LHCGR: variants seen among roughly 807,000 people sequenced by gnomAD.
The protein encoded by LHCGR is lutropin-choriogonadotropic hormone receptor.
A neutral mutation model predicts 60.7 loss-of-function variants in LHCGR; 55 were observed. That is an observed-to-expected ratio of 0.91 (90% CI 0.73 to 1.13). The LOEUF (loss-of-function observed/expected upper bound fraction) is 1.13, where lower values mean the gene tolerates loss of function less well. Ranked by LOEUF, LHCGR falls within the 50% of genes most tolerant of loss-of-function variation. LHCGR has a pLI of 0.00. For synonymous variants in LHCGR, 337 were observed against 316.5 expected (o/e 1.06, Z -0.69); for missense variants, 862 against 836.0 (o/e 1.03, Z -0.38).
chr2:48,722,023 G>A (rs184497949), intron 6 of LHCGR, among the ~76,000 whole-genome samples: 8 of 152,248 alleles, frequency 5.3e-5, no homozygotes, highest in South Asian at 2.1e-4. Context: ...GGTGGCACAC[G>A]CCTGTAGTCC....
Position 48,688,033 on chromosome 2 carries a change from A to G in LHCGR, c.1764T>C (p.Phe588=), listed in dbSNP as rs1375933434. ...GTACTTTGAAGGCAGCTGAGATGGC[A>G]AAAAAAGAGATAGGTGCCATGCAGG... ...DFTCMAPISF[F]AISAAFKVPL... Residue 588 remains phenylalanine, a synonymous_variant, in exon 11 of 11, where the codon TTT becomes TTC. Coordinates refer to ENST00000294954, the MANE Select transcript of LHCGR (RefSeq NM_000233.4). The surrounding 1 kb of genome is among the most constrained non-coding windows in gnomAD (Gnocchi z 5.2). 6.2e-7 allele frequency: 1 copy of G among 1,613,940 alleles called. No individual in the cohort carries two copies. Among genetic ancestry groups the G allele is most frequent in the African/African-American group, 1.3e-5 (1 of 74,924 alleles).
intron 8 of LHCGR, among the ~76,000 whole-genome samples, chr2:48,707,762 A>G (rs1172513484): frequency 6.6e-6 from 1 of 152,208 alleles, no homozygotes; most frequent in East Asian, 1.9e-4. Context: ...AGACTGCTCT[A>G]CTAGCAGCAA....
intron 6 of LHCGR, chr2:48,720,733 G>A (rs554407019): frequency 1.3e-5 from 2 of 152,272 alleles, no homozygotes; most frequent in African/African-American, 4.8e-5. Flanking sequence ...ACCGCATAAC[G>A]GTTAAGAACA....
intron 10 of LHCGR, among the ~76,000 whole-genome samples, chr2:48,689,140 TAC>T (rs928347580): frequency 6.6e-6 from 1 of 151,002 alleles, no homozygotes; most frequent in African/African-American, 2.4e-5. Flanking sequence ...TATACATATG[TAC>T]ACACATATAC....
intron 1 of LHCGR, among the ~76,000 whole-genome samples, chr2:48,735,618 A>T (rs896783869): frequency 3.9e-5 from 6 of 152,176 alleles, no homozygotes; most frequent in African/African-American, 1.4e-4. Context: ...CTGACTTTCA[A>T]ACTGGGCCCC....
intron 6 of LHCGR, among the ~76,000 whole-genome samples, chr2:48,722,055 C>T (rs990292352): frequency 6.6e-6 from 1 of 152,174 alleles, no homozygotes; most frequent in African/African-American, 2.4e-5. Flanking sequence ...GAGGCTGAGG[C>T]AGGAGAATCA....
chr2:48,740,646 G>GA (rs1288974781), intron 1 of LHCGR, among the ~76,000 whole-genome samples: 1 of 151,970 alleles, frequency 6.6e-6, no homozygotes, highest in Non-Finnish European at 1.5e-5. Flanking sequence ...CTGTTAGAAG[G>GA]AAAACTAACA....
chr2:48,748,550 G>T (rs1486948388), intron 1 of LHCGR, among the ~76,000 whole-genome samples: 1 of 152,168 alleles, frequency 6.6e-6, no homozygotes, highest in Non-Finnish European at 1.5e-5. Flanking sequence ...GGTTGAGAAG[G>T]CCTAGTGGGT....
chr2:48,742,379 C>T (rs2103691491), intron 1 of LHCGR, among the ~76,000 whole-genome samples: 1 of 151,108 alleles, frequency 6.6e-6, no homozygotes, highest in South Asian at 2.1e-4. Context: ...CCCAAATCAA[C>T]AGAATATACA....
chr2:48,737,216 T>C (rs959054229), intron 1 of LHCGR, among the ~76,000 whole-genome samples: 1 of 152,334 alleles, frequency 6.6e-6, no homozygotes, highest in Non-Finnish European at 1.5e-5. Flanking sequence ...AACTATATTA[T>C]TGATTTAAGA....
At chr2:48,751,523 C>T (rs1026031942) in intron 1 of LHCGR, among the ~76,000 whole-genome samples, 1 of 152,156 alleles carries the variant, frequency 6.6e-6, no homozygotes, top group African/African-American at 2.4e-5. Context: ...TCTGTGAATT[C>T]CTTAGAGCCT....
intron 6 of LHCGR, among the ~76,000 whole-genome samples, chr2:48,714,704 T>C (rs1340344419): frequency 6.6e-6 from 1 of 152,032 alleles, no homozygotes; most frequent in Non-Finnish European, 1.5e-5. Flanking sequence ...TTTATGAAAC[T>C]TTATCCCACC....
At chr2:48,724,579 A>G (rs545630061) in intron 4 of LHCGR, among the ~76,000 whole-genome samples, 7 of 152,318 alleles carry the variant, frequency 4.6e-5, no homozygotes, top group Admixed American at 3.3e-4. Context: ...TTAGACTGCA[A>G]CGTGTACTTG....
chr2:48,698,873 G>A (rs996278225), intron 8 of LHCGR, 73 bp from the exon 9 acceptor site: 166 of 1,285,962 alleles, frequency 1.3e-4, no homozygotes, highest in Non-Finnish European at 1.6e-4. Flanking sequence ...ACGGAGTCTT[G>A]CTCCGTCGCC....
At chr2:48,703,480 C>G (rs1667508601) in intron 8 of LHCGR, among the ~76,000 whole-genome samples, 1 of 152,140 alleles carries the variant, frequency 6.6e-6, no homozygotes. Flanking sequence ...CCAGTTTCAG[C>G]TTTCTGCATA....
chr2:48,747,665 G>A (rs778968359), intron 1 of LHCGR, among the ~76,000 whole-genome samples: 10 of 151,910 alleles, frequency 6.6e-5, no homozygotes, highest in South Asian at 2.1e-4. Context: ...CCGACTCCTT[G>A]TAAATCTAGG....
intron 9 of LHCGR, among the ~76,000 whole-genome samples, chr2:48,696,089 T>A (rs1049913575): frequency 1.3e-5 from 2 of 152,144 alleles, no homozygotes; most frequent in African/African-American, 4.8e-5. Flanking sequence ...TAATTACAAA[T>A]GCCCCTGATT....
Position 48,709,957 on chromosome 2 carries a change from C to T in LHCGR, c.606-935G>A, listed in dbSNP as rs1286810190. On this transcript the variant is annotated intron_variant, in intron 7 of 10. Coordinates refer to ENST00000294954, the MANE Select transcript of LHCGR (RefSeq NM_000233.4). ...TTGTGATTCAGAGCATCTGGAAAAC[C>T]GTGGATGGTGGGAACAGTGTGCATC... Among the ~76,000 whole-genome samples, 4 of 152,262 alleles carry T rather than the reference C, an allele frequency of 2.6e-5. 1 individual carries two copies. The highest frequency in any genetic ancestry group is 1.3e-4 in the Admixed American group (2 of 15,302).
chr2:48,686,792 A>G lies in LHCGR; in HGVS notation c.*905T>C, dbSNP rs1042210096. 11 of 152,202 alleles carry G rather than the reference A, an allele frequency of 7.2e-5. No homozygotes were observed. The highest frequency in any genetic ancestry group is 2.7e-4 in the African/African-American group (11 of 41,458). The allele number at this position is 152,202 out of a possible 1,614,324, so 9.4% of individuals were successfully genotyped here. A position where few individuals can be genotyped will look rare whatever the true frequency, so the allele number is the denominator to read the frequency against. ...AACTTAATTATTTTTAAATATTTAA[A>G]CATTTTATTTCATTCAAATAAAAAT... is the stretch of plus-strand genomic sequence containing the variant. On this transcript the variant is annotated 3_prime_UTR_variant, in exon 11 of 11. Coordinates refer to ENST00000294954, the MANE Select transcript of LHCGR (RefSeq NM_000233.4).
Sources: allele counts gnomAD v4.1 joint callset (sites outside exome capture counted in the v4.1 genomes callset), GRCh38; gene constraint gnomAD v4.1.1; non-coding constraint Gnocchi (gnomAD v3.1); transcripts MANE v1.5; gene names NCBI Gene and HGNC (gene_info 2026-07-23, HGNC 2026-07-21).